Variants in OPCML observed in about 807,000 individuals in gnomAD.
The protein encoded by OPCML is opioid-binding protein/cell adhesion molecule.
A neutral mutation model predicts 37.8 loss-of-function variants in OPCML; 13 were observed. The observed-to-expected ratio is 0.34, with a 90% CI of 0.22 to 0.55. The LOEUF is 0.55. OPCML is among the 20% of genes least tolerant of loss of function. The probability of loss-of-function intolerance (pLI) is 0.91; values close to 1 mark genes in which losing one functional copy is unlikely to be tolerated. For missense variants in OPCML, 341 were observed against 435.6 expected, an observed-to-expected ratio of 0.78 and a Z score of 1.93; for synonymous variants, 176 against 168.8, an observed-to-expected ratio of 1.04 and a Z score of -0.33.
At chr11:133,142,726 C>T (rs56756870) in intron 1 of OPCML, among the ~76,000 whole-genome samples, 1,984 of 152,106 alleles carry the variant, frequency 0.013, 31 homozygotes, top group African/African-American at 0.046. Context: ...TGTGAAGGAA[C>T]GTGCAAAAGA....
intron 1 of OPCML, among the ~76,000 whole-genome samples, chr11:133,398,161 G>T (rs1162187912): frequency 6.6e-6 from 1 of 152,164 alleles, no homozygotes; most frequent in Admixed American, 6.5e-5. Context: ...GACATCTCAT[G>T]AATTATATTG....
At chr11:132,577,404 TC>T (rs1021696222) in intron 3 of OPCML, among the ~76,000 whole-genome samples, 44 of 152,154 alleles carry the variant, frequency 2.9e-4, no homozygotes, top group African/African-American at 1.0e-3. Flanking sequence ...AAATAAGACT[TC>T]AAAAATTGTT....
At chr11:133,517,828 C>A (rs546453285) in intron 1 of OPCML, among the ~76,000 whole-genome samples, 1 of 152,152 alleles carries the variant, frequency 6.6e-6, no homozygotes, top group Non-Finnish European at 1.5e-5. Context: ...TAACCACAGC[C>A]GCTCTTTCAG....
At chr11:132,796,245 T>C (rs1938302551) in intron 2 of OPCML, among the ~76,000 whole-genome samples, 1 of 152,214 alleles carries the variant, frequency 6.6e-6, no homozygotes, top group Non-Finnish European at 1.5e-5. Context: ...GGCTAAATAA[T>C]ATTTGATTGT....
At chr11:133,417,633 A>AC (rs1432247869) in intron 1 of OPCML, among the ~76,000 whole-genome samples, 1 of 122,866 alleles carries the variant, frequency 8.1e-6, no homozygotes, top group African/African-American at 3.8e-5. Context: ...ATCCCTCCCC[A>AC]CTCCCCCGAC....
chr11:132,831,587 C>T (rs1338487232), intron 2 of OPCML, among the ~76,000 whole-genome samples: 1 of 152,096 alleles, frequency 6.6e-6, no homozygotes, highest in Non-Finnish European at 1.5e-5. Flanking sequence ...AATAGACTTG[C>T]TTCCTCCTGC....
intron 2 of OPCML, among the ~76,000 whole-genome samples, chr11:132,837,722 A>G (rs1941098177): frequency 6.6e-6 from 1 of 152,222 alleles, no homozygotes; most frequent in Non-Finnish European, 1.5e-5. Flanking sequence ...AGATGACTCC[A>G]GTGCTAAGAC....
intron 1 of OPCML, among the ~76,000 whole-genome samples, chr11:133,275,708 A>T (rs1941973455): frequency 6.6e-6 from 1 of 152,182 alleles, no homozygotes; most frequent in Admixed American, 6.5e-5. Flanking sequence ...GAAGCTGCAG[A>T]TCTATTTATT....
chr11:132,599,671 G>A (rs1245762444), intron 3 of OPCML, among the ~76,000 whole-genome samples: 1 of 152,134 alleles, frequency 6.6e-6, no homozygotes, highest in African/African-American at 2.4e-5. Flanking sequence ...GTATATACAG[G>A]AGTCTATAGT....
In OPCML at chr11:133,236,032, C is replaced by T. The variant is rs146187507; in HGVS notation, c.62-293022G>A. ...TATACTATGTTTTCTCCTATACATA[C>T]ATCCCTGTGATAACGTTTAATTTTT... On this transcript the variant is annotated intron_variant, in intron 1 of 7. Coordinates refer to ENST00000524381, the MANE Select transcript of OPCML (RefSeq NM_001012393.5). Among the ~76,000 whole-genome samples, 11 of 152,320 alleles carry T rather than the reference C, an allele frequency of 7.2e-5. No individual in the cohort carries two copies. The East Asian group carries it at 1.9e-3, about 27-fold the overall frequency.
rs566922901 is a variant in OPCML at position 133,418,347 on chromosome 11, A to G, written c.61+113917T>C. ...CTAGATTTGATGATGTCTGCATTCA[A>G]TAGGGGTAAAAAAATTCAAGAACTA... is the stretch of plus-strand genomic sequence containing the variant. On this transcript the variant is annotated intron_variant, in intron 1 of 7. Transcript: ENST00000524381. 1.1e-5 allele frequency: 11 copies of G among 985,420 alleles called. No homozygotes were observed. The South Asian group carries it at 4.2e-4, about 38-fold the overall frequency. The allele number at this position is 985,420 out of a possible 1,614,324, so 61.0% of individuals were successfully genotyped here.
chr11:132,558,832 T>A (rs926177212), intron 3 of OPCML, among the ~76,000 whole-genome samples: 1 of 151,978 alleles, frequency 6.6e-6, no homozygotes, highest in African/African-American at 2.4e-5. Flanking sequence ...TTGTTGACCG[T>A]TCAATTTTTT....
intron 2 of OPCML, among the ~76,000 whole-genome samples, chr11:132,780,460 C>T (rs1428544802): frequency 5.9e-5 from 9 of 152,138 alleles, no homozygotes; most frequent in Non-Finnish European, 1.3e-4. Flanking sequence ...CTCTTTCACT[C>T]CCCTTTCCAA....
intron 1 of OPCML, among the ~76,000 whole-genome samples, chr11:133,184,296 C>T (rs1937972323): frequency 6.6e-6 from 1 of 152,174 alleles, no homozygotes; most frequent in Non-Finnish European, 1.5e-5. Flanking sequence ...TAACTGAGGA[C>T]AAGGCAGTAC....
At chr11:133,137,871 G>T (rs935026458) in intron 1 of OPCML, among the ~76,000 whole-genome samples, 1 of 152,188 alleles carries the variant, frequency 6.6e-6, no homozygotes, top group Admixed American at 6.5e-5. Flanking sequence ...GTGAAAGTGT[G>T]AACAGTCTAG....
intron 1 of OPCML, among the ~76,000 whole-genome samples, chr11:133,071,620 T>A (rs1948536855): frequency 6.6e-6 from 1 of 152,178 alleles, no homozygotes. Context: ...AAACCCAATT[T>A]TCCCAAATGT....
At chr11:133,124,397 G>A (rs1302167368) in intron 1 of OPCML, among the ~76,000 whole-genome samples, 2 of 152,078 alleles carry the variant, frequency 1.3e-5, no homozygotes, top group Non-Finnish European at 2.9e-5. Context: ...GGGCACCCTA[G>A]ACCCATCTTT....
chr11:133,204,552 C>T (rs918195704), intron 1 of OPCML, among the ~76,000 whole-genome samples: 3 of 152,164 alleles, frequency 2.0e-5, no homozygotes, highest in African/African-American at 4.8e-5. Flanking sequence ...CACAAACCCA[C>T]AACAGAACTA....
intron 1 of OPCML, among the ~76,000 whole-genome samples, chr11:133,100,119 T>G (rs1357770548): frequency 1.3e-5 from 2 of 152,098 alleles, no homozygotes; most frequent in Non-Finnish European, 2.9e-5. Context: ...AACTAAACAC[T>G]GAGTACACAT....
Sources: gnomAD v4.1 joint callset for allele counts (sites outside exome capture counted in the v4.1 genomes callset) on GRCh38, gnomAD v4.1.1 for gene constraint, MANE v1.5 for transcripts, NCBI Gene and HGNC (gene_info 2026-07-23, HGNC 2026-07-21) for gene names.